The following RNF213 variants were observed in gnomAD, a reference collection of about 807,000 sequenced individuals.
RNF213 encodes the protein E3 ubiquitin-protein ligase RNF213.
A neutral mutation model predicts 514.4 loss-of-function variants in RNF213; 341 were observed. The observed-to-expected ratio is 0.66, with a 90% CI of 0.61 to 0.73. RNF213 has a LOEUF of 0.73. Ranked by LOEUF, RNF213 falls within the 30% of genes least tolerant of loss-of-function variation. The pLI is 0.00. For synonymous variants in RNF213, 2,655 were observed against 2,658.2 expected (o/e 1.00, Z 0.04); for missense variants, 5,767 against 6,615.6 (o/e 0.87, Z 4.45).
chr17:80,293,347 C>A (rs532672279), intron 8 of RNF213, among the ~76,000 whole-genome samples: 2 of 152,168 alleles, frequency 1.3e-5, no homozygotes, highest in African/African-American at 4.8e-5. Context: ...AGACGTGAGC[C>A]ACTGTGCCCA....
chr17:80,343,673 C>T lies in RNF213; in HGVS notation c.6184-184C>T, dbSNP rs1037819213. 6.6e-6 allele frequency among the ~76,000 whole-genome samples: 1 copy of T among 152,096 alleles called. No individual in the cohort carries two copies. The highest frequency in any genetic ancestry group is 1.5e-5 in the Non-Finnish European group (1 of 68,036). On this transcript the variant is annotated intron_variant, in intron 27 of 67. Coordinates refer to ENST00000582970, the MANE Select transcript of RNF213 (RefSeq NM_001256071.3). This position sits in a 1 kb window ranked among gnomAD's most constrained non-coding sequence, Gnocchi z 4.3. ...TATGTGTCTAAACATAAAAATGGTA[C>T]AGGGAAATATAGTATTAGGATTTTA...
Position 80,363,224 on chromosome 17 carries a change from G to A in RNF213, c.11478G>A (p.Gln3826=), listed in dbSNP as rs1916140530. 2 of 1,614,086 alleles carry A rather than the reference G, an allele frequency of 1.2e-6. No individual in the cohort carries two copies. The highest frequency in any genetic ancestry group is 1.7e-6 in the Non-Finnish European group (2 of 1,180,044). ...LAYQRFRSRL[Q]NFSRILTIYP... Reference sequence around the variant, plus strand: ...ACCAGCGTTTCAGAAGCCGTCTGCAGAACTTTTCCAGAATCCTGACCATCT... The same window carrying A: ...ACCAGCGTTTCAGAAGCCGTCTGCAAAACTTTTCCAGAATCCTGACCATCT... The change falls in exon 40 of 68, where the codon CAG becomes CAA. Residue 3826 remains glutamine, a synonymous_variant. Transcript: ENST00000582970.
rs941740551 is a variant in RNF213, at chr17:80,317,710, G to A, written c.2901+433G>A. 1.4e-4 allele frequency among the ~76,000 whole-genome samples: 22 copies of A among 152,316 alleles called. No homozygotes were observed. The East Asian group carries it at 4.2e-3, about 29-fold the overall frequency. ...CCAGATTGAGGTGCCTGCAACCCCCGAAGCTCCAGAGGGCATGTTACAGTG... is the reference window on the plus strand; with the variant it reads ...CCAGATTGAGGTGCCTGCAACCCCCAAAGCTCCAGAGGGCATGTTACAGTG... On this transcript the variant is annotated intron_variant, in intron 16 of 67. Transcript: ENST00000582970. This position sits in a 1 kb window ranked among gnomAD's most constrained non-coding sequence, Gnocchi z 4.1.
In RNF213 at chr17:80,298,369, G is replaced by A. The variant is rs1189790864; in HGVS notation, c.2061G>A (p.Arg687=). 1.2e-6 allele frequency: 2 copies of A among 1,614,058 alleles called. No individual in the cohort carries two copies. Among genetic ancestry groups the A allele is most frequent in the Non-Finnish European group, 1.7e-6 (2 of 1,180,046 alleles). Residue 687 remains arginine (R), a synonymous_variant, in exon 11 of 68, where the codon AGG becomes AGA. Coordinates refer to ENST00000582970, the MANE Select transcript of RNF213 (RefSeq NM_001256071.3). ...VNLCQRCMDT[R]TYTWLGALPV... ...TGTGCCAAAGATGCATGGACACAAG[G>A]ACGTACACCTGGCTGGGCGCCCTGC...
intron 28 of RNF213, 52 bp downstream of exon 28, chr17:80,344,067 C>A (rs1437579584): frequency 6.3e-7 from 1 of 1,585,970 alleles, no homozygotes; most frequent in Non-Finnish European, 8.6e-7. Flanking sequence ...TGGGTTCTTT[C>A]TGGTCTTACT....
At chr17:80,295,518 G>A in intron 9 of RNF213, 39 bp from the exon 10 acceptor site, 1 of 1,613,336 alleles carries the variant, frequency 6.2e-7, no homozygotes, top group Non-Finnish European at 8.5e-7. Context: ...GTGAATTCAA[G>A]TCCATGGTTC....
chr17:80,384,096 A>T (rs2080133466), intron 59 of RNF213, among the ~76,000 whole-genome samples, 168 bp downstream of exon 59: 1 of 152,208 alleles, frequency 6.6e-6, no homozygotes, highest in Non-Finnish European at 1.5e-5. Context: ...CTTCATACAT[A>T]TCAAACTGTA....
In RNF213 at chr17:80,377,564, A is replaced by G; in HGVS notation, c.13511-198A>G. ...TGATAAAATTAATAAAATTAGACTC[A>G]GACATTTTTCACTGACAACATACAT... On this transcript the variant is annotated intron_variant, in intron 53 of 67. Transcript: ENST00000582970. This position sits in a 1 kb window ranked among gnomAD's most constrained non-coding sequence, Gnocchi z 4.1. 1 of 673,586 alleles carries G rather than the reference A, an allele frequency of 1.5e-6. No individual in the cohort carries two copies. The highest frequency in any genetic ancestry group is 2.4e-4 in the Middle Eastern group (1 of 4,088). 41.7% of individuals were successfully genotyped at this position (673,586 alleles called of 1,614,324 possible).
intron 20 of RNF213, 140 bp downstream of exon 20, chr17:80,328,617 G>T: frequency 1.4e-6 from 1 of 737,132 alleles, no homozygotes; most frequent in Non-Finnish European, 2.1e-6. Context: ...TTTGCTGGGG[G>T]GATCGCTTTC....
At chr17:80,331,545 C>T (rs959066093) in intron 20 of RNF213, among the ~76,000 whole-genome samples, 1 of 151,922 alleles carries the variant, frequency 6.6e-6, no homozygotes, top group Non-Finnish European at 1.5e-5. Context: ...CGCTCCACCA[C>T]GCCTGGCTAA....
At chr17:80,378,977 T>TGGCCCGG (rs2079872316) in intron 54 of RNF213, among the ~76,000 whole-genome samples, 3 of 152,150 alleles carry the variant, frequency 2.0e-5, no homozygotes, top group African/African-American at 7.2e-5. Context: ...AGTTTGAGAC[T>TGGCCCGG]GGCCCGGGCA....
intron 63 of RNF213, among the ~76,000 whole-genome samples, chr17:80,387,602 A>G (rs1217145631): frequency 6.6e-6 from 1 of 152,034 alleles, no homozygotes; most frequent in Non-Finnish European, 1.5e-5. Flanking sequence ...ACTGGTGCCC[A>G]CCTCCAGGTT....
chr17:80,379,786 TA>T, intron 55 of RNF213, 72 bp downstream of exon 55: 1 of 1,232,628 alleles, frequency 8.1e-7, no homozygotes, highest in Non-Finnish European at 1.2e-6. Flanking sequence ...TTCCAGCTGA[TA>T]AAGTGATACT....
chr17:80,360,529 T>C (rs2144358810), intron 38 of RNF213: 1 of 385,998 alleles, frequency 2.6e-6, no homozygotes, highest in Non-Finnish European at 5.0e-6. Context: ...GTCGCCTCTA[T>C]CAGCTGGTCA....
chr17:80,350,777 G>A (rs1209284728), intron 31 of RNF213, among the ~76,000 whole-genome samples: 2 of 152,192 alleles, frequency 1.3e-5, no homozygotes, highest in Non-Finnish European at 2.9e-5. Flanking sequence ...CCAGCCTAGG[G>A]GCCAGAGCAA....
Position 80,393,726 on chromosome 17 carries a change from G to C in RNF213, c.*228G>C. The C allele has an allele frequency of 1.9e-6, 1 of 526,856 alleles. No individual in the cohort carries two copies. Among genetic ancestry groups the C allele is most frequent in the African/African-American group, 1.9e-5 (1 of 52,182 alleles). 32.6% of individuals were successfully genotyped at this position (526,856 alleles called of 1,614,324 possible). On this transcript the variant is annotated 3_prime_UTR_variant, in exon 68 of 68. Transcript: ENST00000582970. The stretch of plus-strand genomic sequence containing the variant: ...TTCTGAAACTTTCTCATCATTTTAT[G>C]AGTACTGTTCATTGAGAGATGACAA...
chr17:80,396,136 C>T lies in RNF213; in HGVS notation c.*2638C>T, dbSNP rs1337624640. On this transcript the variant is annotated 3_prime_UTR_variant, in exon 68 of 68. Coordinates refer to ENST00000582970, the MANE Select transcript of RNF213 (RefSeq NM_001256071.3). ...TGACTGAAAAAATTAGGTGTGCACA[C>T]CTGTAATCCCAGCTACCTGGGAGGC... is the stretch of plus-strand genomic sequence containing the variant. The T allele has an allele frequency of 1.3e-5, 2 of 152,278 alleles. No individual in the cohort carries two copies. The highest frequency in any genetic ancestry group is 2.4e-5 in the African/African-American group (1 of 41,524). The allele number at this position is 152,278 out of a possible 1,614,324, so 9.4% of individuals were successfully genotyped here.
chr17:80,310,333 A>G (rs914793721), intron 14 of RNF213, among the ~76,000 whole-genome samples: 3 of 151,700 alleles, frequency 2.0e-5, no homozygotes, highest in Admixed American at 2.0e-4. Context: ...GCTCACTGCA[A>G]TCTCCGCCTC....
At chr17:80,351,841 A>G in intron 32 of RNF213, 38 bp downstream of exon 32, 1 of 1,067,374 alleles carries the variant, frequency 9.4e-7, no homozygotes, top group East Asian at 2.4e-5. Context: ...TTATTTATGT[A>G]TTTATTTATT....
Sources: gnomAD v4.1 joint callset for allele counts (sites outside exome capture counted in the v4.1 genomes callset) on GRCh38, gnomAD v4.1.1 for gene constraint, Gnocchi (gnomAD v3.1) non-coding constraint, MANE v1.5 for transcripts, NCBI Gene and HGNC (gene_info 2026-07-23, HGNC 2026-07-21) for gene names.